The following TMEM132E variants were observed in gnomAD, a reference collection of about 807,000 sequenced individuals.
The protein encoded by TMEM132E is transmembrane protein 132E.
Under a neutral mutation model 78.5 loss-of-function variants are expected in TMEM132E, and 49 were observed. The ratio of observed to expected loss-of-function variants is 0.62; its 90% CI spans 0.50 to 0.79. The LOEUF (loss-of-function observed/expected upper bound fraction) is 0.79. Among genes scored for constraint, TMEM132E ranks in the 30% least tolerant of loss-of-function variants. The probability of loss-of-function intolerance (pLI) is 0.00; values close to 1 mark genes in which losing one functional copy is unlikely to be tolerated. For synonymous variants in TMEM132E, 715 were observed against 670.6 expected, an observed-to-expected ratio of 1.07 and a Z score of -1.02; for missense variants, 1,403 against 1,470.9, an observed-to-expected ratio of 0.95 and a Z score of 0.75.
chr17:34,603,389 C>T (rs1330576502), intron 1 of TMEM132E, among the ~76,000 whole-genome samples: 1 of 152,112 alleles, frequency 6.6e-6, no homozygotes, highest in Non-Finnish European at 1.5e-5. Flanking sequence ...GAAACTGAGG[C>T]GAGATGGCTC....
intron 1 of TMEM132E, among the ~76,000 whole-genome samples, chr17:34,623,399 G>A (rs779720904): frequency 5.1e-4 from 8 of 15,626 alleles, no homozygotes; most frequent in African/African-American, 5.2e-4. Flanking sequence ...GCTAGTACCC[G>A]CTCCCCCCCC....
intron 1 of TMEM132E, among the ~76,000 whole-genome samples, chr17:34,591,237 G>A (rs755760249): frequency 5.9e-5 from 9 of 152,030 alleles, no homozygotes; most frequent in African/African-American, 1.5e-4. Context: ...GCATCCTTAC[G>A]GTCCAGTCAG....
At chr17:34,616,162 A>G (rs1439172796) in intron 1 of TMEM132E, among the ~76,000 whole-genome samples, 2 of 152,114 alleles carry the variant, frequency 1.3e-5, no homozygotes, top group Non-Finnish European at 2.9e-5. Context: ...TCCCAGGCAG[A>G]TGGCAGGAAA....
intron 5 of TMEM132E, among the ~76,000 whole-genome samples, chr17:34,630,677 A>G (rs1289460783): frequency 2.0e-5 from 3 of 152,140 alleles, no homozygotes; most frequent in Non-Finnish European, 4.4e-5. Flanking sequence ...CTCAAGAAAC[A>G]TATGAGTTAG....
chr17:34,594,360 G>A (rs1905984046), intron 1 of TMEM132E, among the ~76,000 whole-genome samples: 1 of 152,210 alleles, frequency 6.6e-6, no homozygotes, highest in South Asian at 2.1e-4. Context: ...GAAAGAAAAT[G>A]TATTCCTTCA....
chr17:34,613,170 T>TACA (rs1391125010), intron 1 of TMEM132E, among the ~76,000 whole-genome samples: 1 of 106,670 alleles, frequency 9.4e-6, no homozygotes. Flanking sequence ...TCTCTCTCTC[T>TACA]CTCTACACAC....
In TMEM132E at chr17:34,613,211, A is replaced by ACGCGCGCGCGCG. The variant is rs1555563343; in HGVS notation, c.68-12911_68-12900dup. Among the ~76,000 whole-genome samples the ACGCGCGCGCGCG allele has an allele frequency of 5.8e-3, 674 of 115,926 alleles. 5 individuals are homozygous for ACGCGCGCGCGCG. Among genetic ancestry groups the ACGCGCGCGCGCG allele is most frequent in the Middle Eastern group, 9.8e-3 (2 of 204 alleles). The allele number at this position is 115,926 out of a possible 152,430, so 76.1% of individuals were successfully genotyped here. A position where few individuals can be genotyped will look rare whatever the true frequency, so the allele number is the denominator to read the frequency against. On this transcript the variant is annotated intron_variant, in intron 1 of 8. Transcript: ENST00000631683. ...CACACACACACCCACACACACACACACGCGCGCGCGCGCGCGTTCTTACAT... is the reference window on the plus strand; with the variant it reads ...CACACACACACCCACACACACACACACGCGCGCGCGCGCGCGCGCGCGCGCGCGTTCTTACAT...
chr17:34,628,669 G>A lies in TMEM132E; in HGVS notation c.1105G>A (p.Val369Met), dbSNP rs773374702. The change falls in exon 3 of 9, where the codon GTG becomes ATG. Residue 369 changes from valine (V) to methionine (M), a missense_variant. Around this residue, in one of 3 missense-constraint regions of TMEM132E, gnomAD observed 888 missense variants for 952.8 expected, o/e 0.93. Transcript: ENST00000631683. ...LTGAKHSTAT[V>M]DVAWAQSTPL... is the part of the protein sequence containing the mutation. ...TGGGGCAAAGCACTCAACAGCCACC[G>A]TGGATGTGGCCTGGGCTCAGAGCAC... 3.2e-5 allele frequency: 52 copies of A among 1,612,524 alleles called. No homozygotes were observed. Among genetic ancestry groups the A allele is most frequent in the Non-Finnish European group, 4.1e-5 (48 of 1,179,366 alleles).
rs769123455 is a variant in TMEM132E, at chr17:34,635,994, C to T, written c.1978-13C>T. 6 of 1,418,876 alleles carry T rather than the reference C, an allele frequency of 4.2e-6. No individual in the cohort carries two copies. The highest frequency in any genetic ancestry group is 4.6e-6 in the Non-Finnish European group (5 of 1,080,766). 87.9% of individuals were successfully genotyped at this position (1,418,876 alleles called of 1,614,324 possible). ...TCCTGGTTCTCTCCCACCCCGGTCCCGCTCTGCCTCAGGTGGTGTCTCCGC... is the reference window on the plus strand; with the variant it reads ...TCCTGGTTCTCTCCCACCCCGGTCCTGCTCTGCCTCAGGTGGTGTCTCCGC... On this transcript the variant is annotated splice_polypyrimidine_tract_variant and intron_variant, in intron 7 of 8. Coordinates refer to ENST00000631683, the MANE Select transcript of TMEM132E (RefSeq NM_001304438.2).
At chr17:34,615,066 G>A (rs913342502) in intron 1 of TMEM132E, among the ~76,000 whole-genome samples, 1 of 152,192 alleles carries the variant, frequency 6.6e-6, no homozygotes, top group African/African-American at 2.4e-5. Context: ...AGGGAACTGG[G>A]AAACAAGAGC....
chr17:34,608,741 C>T (rs1906496089), intron 1 of TMEM132E, among the ~76,000 whole-genome samples: 1 of 152,162 alleles, frequency 6.6e-6, no homozygotes, highest in South Asian at 2.1e-4. Flanking sequence ...CCACATAAGA[C>T]CTCTTTTTCG....
At chr17:34,592,840 A>G (rs1905922114) in intron 1 of TMEM132E, among the ~76,000 whole-genome samples, 1 of 152,058 alleles carries the variant, frequency 6.6e-6, no homozygotes, top group African/African-American at 2.4e-5. Context: ...CCACCTCCCC[A>G]CATTCCCACC....
chr17:34,610,157 C>G (rs1378215262), intron 1 of TMEM132E, among the ~76,000 whole-genome samples: 3 of 152,224 alleles, frequency 2.0e-5, no homozygotes, highest in African/African-American at 4.8e-5. Flanking sequence ...TTCTCCGAAG[C>G]CTAGCAGCAC....
chr17:34,600,295 A>T (rs767452045), intron 1 of TMEM132E, among the ~76,000 whole-genome samples: 1 of 152,236 alleles, frequency 6.6e-6, no homozygotes, highest in Non-Finnish European at 1.5e-5. Context: ...GATAATTGCT[A>T]CTACTACTGA....
Position 34,637,283 on chromosome 17 carries a change from A to G in TMEM132E, c.2276A>G (p.His759Arg). 1 of 1,614,110 alleles carries G rather than the reference A, an allele frequency of 6.2e-7. No individual in the cohort carries two copies. The highest frequency in any genetic ancestry group is 1.3e-5 in the African/African-American group (1 of 75,078). ...CTGCTAGTGAGCAGCCTGGATGAGC[A>G]TGTGGCCACTGTGACCCAGGACCGG... ...YGLLVSSLDE[H>R]VATVTQDRAF... Residue 759 changes from histidine to arginine, a missense_variant, in exon 9 of 9, where the codon CAT becomes CGT. Around this residue, in one of 3 missense-constraint regions of TMEM132E, gnomAD observed 888 missense variants for 952.8 expected, o/e 0.93. Coordinates refer to ENST00000631683, the MANE Select transcript of TMEM132E (RefSeq NM_001304438.2).
chr17:34,637,926 C>T lies in TMEM132E; in HGVS notation c.2919C>T (p.Gly973=). The T allele has an allele frequency of 6.2e-7, 1 of 1,606,268 alleles. No individual in the cohort carries two copies. The highest frequency in any genetic ancestry group is 8.5e-7 in the Non-Finnish European group (1 of 1,178,464). Residue 973 remains glycine, a synonymous_variant, in exon 9 of 9, where the codon GGC becomes GGT. Transcript: ENST00000631683. ...AFCHGDHHSS[G]SSQTSVQSQV... is the part of the protein sequence containing the mutation. ...GCCACGGCGACCACCACAGCAGCGG[C>T]AGCTCGCAGACCAGCGTCCAGAGCC... is the stretch of plus-strand genomic sequence containing the variant.
chr17:34,629,445 C>T (rs1301947159), intron 4 of TMEM132E, among the ~76,000 whole-genome samples: 2 of 152,130 alleles, frequency 1.3e-5, no homozygotes, highest in East Asian at 3.9e-4. Flanking sequence ...CATGGAGGGA[C>T]CACTGATGGG....
Position 34,626,974 on chromosome 17 carries a change from C to G in TMEM132E, c.915C>G (p.Pro305=). ...GCCTGCCAGACCGGCCCCTCAAGCC[C>G]GGGGAAGTGCTCAGCATCCTCCTCT... The part of the protein sequence containing the change: ...MIRLPDRPLK[P]GEVLSILLYL... Residue 305 remains proline, a synonymous_variant, in exon 2 of 9, where the codon CCC becomes CCG. Coordinates refer to ENST00000631683, the MANE Select transcript of TMEM132E (RefSeq NM_001304438.2). 6.2e-7 allele frequency: 1 copy of G among 1,613,938 alleles called. No individual in the cohort carries two copies. The highest frequency in any genetic ancestry group is 8.5e-7 in the Non-Finnish European group (1 of 1,180,030).
chr17:34,624,792 G>A (rs542302381), intron 1 of TMEM132E, among the ~76,000 whole-genome samples: 4 of 152,228 alleles, frequency 2.6e-5, no homozygotes, highest in African/African-American at 9.6e-5. Context: ...AGATAGGAGC[G>A]CTTCTTTGAT....
Sources: gnomAD v4.1 joint callset for allele counts (sites outside exome capture counted in the v4.1 genomes callset) on GRCh38, gnomAD v4.1.1 for gene constraint, gnomAD v4.1.1 regional missense constraint, MANE v1.5 for transcripts, NCBI Gene and HGNC (gene_info 2026-07-23, HGNC 2026-07-21) for gene names.